Variants in PARN observed in about 807,000 individuals in gnomAD.
PARN encodes poly(A)-specific ribonuclease PARN.
Under a neutral mutation model 102.8 loss-of-function variants are expected in PARN, and 71 were observed. That is an observed-to-expected ratio of 0.69 (90% CI 0.57 to 0.84). The LOEUF is 0.84. PARN is among the 40% of genes least tolerant of loss of function. PARN has a pLI of 0.00. For missense variants in PARN, 782 were observed against 760.9 expected (o/e 1.03, Z -0.33); for synonymous variants, 261 against 252.9 (o/e 1.03, Z -0.30).
At chr16:14,521,880 A>G (rs919102405) in intron 21 of PARN, among the ~76,000 whole-genome samples, 7 of 152,040 alleles carry the variant, frequency 4.6e-5, no homozygotes, top group Admixed American at 1.3e-4. Context: ...TGGTGGTCCC[A>G]TAAGATTATG....
chr16:14,553,109 T>C (rs546315203), intron 20 of PARN, among the ~76,000 whole-genome samples: 2 of 150,444 alleles, frequency 1.3e-5, no homozygotes, highest in Admixed American at 1.3e-4. Flanking sequence ...AAAATATCAA[T>C]TTAAAAAAAA....
intron 21 of PARN, among the ~76,000 whole-genome samples, chr16:14,520,729 A>G (rs1455246114): frequency 6.6e-6 from 1 of 152,160 alleles, no homozygotes; most frequent in African/African-American, 2.4e-5. Context: ...TTTAAGAGAC[A>G]CACTGGAATA....
At chr16:14,599,036 T>TC in intron 12 of PARN, among the ~76,000 whole-genome samples, 1 of 138,708 alleles carries the variant, frequency 7.2e-6, no homozygotes, top group Non-Finnish European at 1.6e-5. Flanking sequence ...TTTCTCCTCT[T>TC]CTTTTTTTTT....
chr16:14,550,002 C>G (rs1967193336), intron 21 of PARN, among the ~76,000 whole-genome samples: 1 of 152,170 alleles, frequency 6.6e-6, no homozygotes, highest in South Asian at 2.1e-4. Context: ...TTTTATCGGG[C>G]TGCACAGCTT....
intron 13 of PARN, 82 bp from the exon 14 acceptor site, chr16:14,586,443 T>C (rs1206049210): frequency 6.3e-6 from 5 of 797,730 alleles, no homozygotes; most frequent in African/African-American, 1.7e-5. Flanking sequence ...TCAAGTTCCA[T>C]AGCTGTCTTC....
chr16:14,436,731 G>T lies in PARN; in HGVS notation c.1906C>A (p.Pro636Thr). The part of the protein sequence containing the change: ...KNSPATLFEV[P>T]DTW ...TCAGGTCTTGGTTACCATGTGTCAGGAACTTCAAAGAGTGTGGCAGGGCTG... is the reference window on the plus strand; with the variant it reads ...TCAGGTCTTGGTTACCATGTGTCAGTAACTTCAAAGAGTGTGGCAGGGCTG... The change falls in exon 24 of 24, where the codon CCT becomes ACT. Residue 636 changes from proline (P) to threonine (T), a missense_variant. Transcript: ENST00000437198. 6.2e-7 allele frequency: 1 copy of T among 1,601,190 alleles called. No individual in the cohort carries two copies. Among genetic ancestry groups the T allele is most frequent in the South Asian group, 1.1e-5 (1 of 88,208 alleles).
chr16:14,541,993 G>A (rs1966843807), intron 21 of PARN, among the ~76,000 whole-genome samples: 1 of 151,666 alleles, frequency 6.6e-6, no homozygotes, highest in Non-Finnish European at 1.5e-5. Flanking sequence ...TGATGCAGAT[G>A]TTGGAATTAT....
intron 13 of PARN, among the ~76,000 whole-genome samples, chr16:14,586,722 G>A (rs1325397568): frequency 6.6e-6 from 1 of 152,092 alleles, no homozygotes; most frequent in Non-Finnish European, 1.5e-5. Flanking sequence ...AACAGGCTGC[G>A]ATCTACCACA....
At chr16:14,501,462 A>AAAAAAAAACG in intron 21 of PARN, 1 of 131,364 alleles carries the variant, frequency 7.6e-6, no homozygotes, top group Non-Finnish European at 1.7e-5. Context: ...AAAAAAAAAC[A>AAAAAAAAACG]GAAAGAAAAA....
In PARN at chr16:14,526,180, T is replaced by G. The variant is rs1473240968; in HGVS notation, c.1480+25841A>C. The stretch of plus-strand genomic sequence containing the variant: ...AAAGAATTAAATAAATCATCCACTG[T>G]TTTTTTTTTTTTTTGAGACGGAGTC... On this transcript the variant is annotated intron_variant, in intron 21 of 23. Transcript: ENST00000437198. Among the ~76,000 whole-genome samples, 4 of 129,326 alleles carry G rather than the reference T, an allele frequency of 3.1e-5. No homozygotes were observed. In the South Asian group the frequency reaches 1.0e-3, roughly 33 times the overall value. 84.8% of individuals were successfully genotyped at this position (129,326 alleles called of 152,430 possible).
chr16:14,495,909 G>A (rs759022843), intron 21 of PARN, among the ~76,000 whole-genome samples: 9 of 152,166 alleles, frequency 5.9e-5, no homozygotes, highest in African/African-American at 9.7e-5. Flanking sequence ...CTGAAGAGGG[G>A]TCGAGGTCAG....
chr16:14,537,366 T>C (rs996359753), intron 21 of PARN, among the ~76,000 whole-genome samples: 1 of 152,174 alleles, frequency 6.6e-6, no homozygotes, highest in Non-Finnish European at 1.5e-5. Context: ...ATGGCTACTA[T>C]GAAAGACAGC....
chr16:14,586,237 A>G (rs1969846947), intron 14 of PARN, 81 bp downstream of exon 14: 1 of 792,892 alleles, frequency 1.3e-6, no homozygotes, highest in South Asian at 1.5e-5. Flanking sequence ...TCAGTCTCCC[A>G]AAGTGGTGGG....
chr16:14,505,480 A>AAC (rs372607658), intron 21 of PARN, among the ~76,000 whole-genome samples: 4,727 of 149,376 alleles, frequency 0.032, 87 homozygotes, highest in African/African-American at 0.047. Context: ...CGTCTCTTAA[A>AAC]ACACACACAC....
intron 22 of PARN, among the ~76,000 whole-genome samples, chr16:14,467,969 T>C (rs2151580411): frequency 6.6e-6 from 1 of 152,340 alleles, no homozygotes; most frequent in Non-Finnish European, 1.5e-5. Context: ...AAGGTATTAC[T>C]TGCTAGGTGC....
chr16:14,623,348 T>C (rs1435997496), intron 5 of PARN, among the ~76,000 whole-genome samples: 1 of 151,574 alleles, frequency 6.6e-6, no homozygotes, highest in Non-Finnish European at 1.5e-5. Context: ...ACCCCGTCTC[T>C]ACTAAAAATA....
intron 6 of PARN, among the ~76,000 whole-genome samples, chr16:14,614,873 A>G (rs1971787498): frequency 6.7e-6 from 1 of 148,956 alleles, no homozygotes; most frequent in Non-Finnish European, 1.5e-5. Flanking sequence ...AAAAAAAAAA[A>G]AAAAAGAAAA....
chr16:14,479,397 G>C (rs567000116), intron 22 of PARN, among the ~76,000 whole-genome samples: 2 of 151,732 alleles, frequency 1.3e-5, no homozygotes, highest in South Asian at 4.2e-4. Flanking sequence ...CTCTACCCTG[G>C]ATGACAGAGT....
chr16:14,520,249 C>T (rs1431874683), intron 21 of PARN, among the ~76,000 whole-genome samples: 1 of 152,120 alleles, frequency 6.6e-6, no homozygotes, highest in Admixed American at 6.5e-5. Context: ...TTAAGAGACA[C>T]CACAGACATT....
Sources: gnomAD v4.1 joint callset for allele counts (sites outside exome capture counted in the v4.1 genomes callset) on GRCh38, gnomAD v4.1.1 for gene constraint, MANE v1.5 for transcripts, NCBI Gene and HGNC (gene_info 2026-07-23, HGNC 2026-07-21) for gene names.